Variants in TNKS observed in about 807,000 individuals in gnomAD.
TNKS encodes poly [ADP-ribose] polymerase tankyrase-1.
A neutral mutation model predicts 135.8 loss-of-function variants in TNKS; 72 were observed. The observed-to-expected ratio is 0.53, with a 90% CI of 0.44 to 0.64. TNKS has a LOEUF of 0.64. Ranked by LOEUF, TNKS falls within the 30% of genes least tolerant of loss-of-function variation. TNKS has a pLI of 0.00. For synonymous variants in TNKS, 849 were observed against 649.3 expected (o/e 1.31, Z -4.68); for missense variants, 1,769 against 1,674.0 (o/e 1.06, Z -0.99).
chr8:9,659,385 C>G (rs1801584964), intron 3 of TNKS, among the ~76,000 whole-genome samples: 1 of 152,198 alleles, frequency 6.6e-6, no homozygotes, highest in South Asian at 2.1e-4. Flanking sequence ...AACAAACTGT[C>G]TCTCAGACCA....
intron 1 of TNKS, among the ~76,000 whole-genome samples, chr8:9,577,919 C>T (rs747670853): frequency 1.3e-5 from 2 of 152,172 alleles, no homozygotes; most frequent in Non-Finnish European, 2.9e-5. Context: ...ATACAGTGGG[C>T]GTACAGGCAT....
At chr8:9,743,117 C>G (rs1211485373) in intron 17 of TNKS, among the ~76,000 whole-genome samples, 2 of 152,150 alleles carry the variant, frequency 1.3e-5, no homozygotes, top group Non-Finnish European at 2.9e-5. Context: ...CTTGAACTAG[C>G]CTGGCCACAT....
chr8:9,638,030 A>G (rs2128775128), intron 3 of TNKS, among the ~76,000 whole-genome samples: 1 of 152,298 alleles, frequency 6.6e-6, no homozygotes, highest in East Asian at 1.9e-4. Context: ...GTGTACCGGC[A>G]TGATCATAGC....
intron 2 of TNKS, among the ~76,000 whole-genome samples, chr8:9,603,971 G>T (rs556234860): frequency 1.3e-5 from 2 of 152,186 alleles, no homozygotes; most frequent in Admixed American, 6.5e-5. Context: ...AAAAAACAAA[G>T]ATGTTAATAA....
chr8:9,727,780 A>G (rs1439071744), intron 13 of TNKS, among the ~76,000 whole-genome samples: 1 of 152,158 alleles, frequency 6.6e-6, no homozygotes, highest in Non-Finnish European at 1.5e-5. Context: ...TAGAAATTTT[A>G]TTTTTGTTTT....
At chr8:9,624,360 A>C (rs1273345720) in intron 3 of TNKS, among the ~76,000 whole-genome samples, 4 of 152,256 alleles carry the variant, frequency 2.6e-5, no homozygotes, top group Admixed American at 1.3e-4. Context: ...GTAACATTAG[A>C]ATTCATTAAT....
At chr8:9,677,553 A>C (rs1316178375) in intron 3 of TNKS, among the ~76,000 whole-genome samples, 1 of 152,114 alleles carries the variant, frequency 6.6e-6, no homozygotes, top group African/African-American at 2.4e-5. Context: ...TCTATCAGGG[A>C]ATTTATACTT....
chr8:9,562,680 T>C (rs1467586236), intron 1 of TNKS, among the ~76,000 whole-genome samples: 2 of 152,196 alleles, frequency 1.3e-5, no homozygotes, highest in Non-Finnish European at 2.9e-5. Flanking sequence ...CTCAGAACTA[T>C]AGGGTTTTTA....
At chr8:9,767,913 C>T (rs558442918) in intron 25 of TNKS, among the ~76,000 whole-genome samples, 3 of 148,496 alleles carry the variant, frequency 2.0e-5, no homozygotes, top group African/African-American at 5.0e-5. Context: ...GAGCCGAGAT[C>T]GCGCCACTGC....
chr8:9,649,267 A>C (rs984352708), intron 3 of TNKS, among the ~76,000 whole-genome samples: 1 of 152,226 alleles, frequency 6.6e-6, no homozygotes, highest in Non-Finnish European at 1.5e-5. Flanking sequence ...TCAACCAATC[A>C]AATATGTAGC....
chr8:9,728,491 A>G (rs1028392390), intron 13 of TNKS, among the ~76,000 whole-genome samples: 1 of 152,150 alleles, frequency 6.6e-6, no homozygotes, highest in African/African-American at 2.4e-5. Flanking sequence ...TTCATTCCCT[A>G]CCTATTCCTA....
intron 3 of TNKS, among the ~76,000 whole-genome samples, chr8:9,632,120 C>G (rs1235583091): frequency 6.6e-6 from 1 of 152,144 alleles, no homozygotes; most frequent in Non-Finnish European, 1.5e-5. Context: ...TGCCAGACTT[C>G]ATGTATTAAA....
intron 3 of TNKS, among the ~76,000 whole-genome samples, chr8:9,648,991 G>A (rs1288730684): frequency 6.6e-5 from 10 of 151,852 alleles, no homozygotes; most frequent in Non-Finnish European, 7.4e-5. Flanking sequence ...GACTTAGAAA[G>A]TAGTGTCATA....
At position 9,733,390 on chromosome 8, in the gene TNKS, T is replaced by A. The variant is rs758940183; in HGVS notation, c.2259T>A (p.Pro753=). 1 of 1,613,346 alleles carries A rather than the reference T, an allele frequency of 6.2e-7. No individual in the cohort carries two copies. The highest frequency in any genetic ancestry group is 8.5e-7 in the Non-Finnish European group (1 of 1,179,710). Residue 753 remains proline (P), a synonymous_variant, in exon 15 of 27, where the codon CCT becomes CCA. Transcript: ENST00000310430. ...VNVADLWKFT[P]LHEAAAKGKY... is the part of the protein sequence containing the mutation. ...TGGCGGACTTATGGAAATTTACCCCTCTCCATGAAGCAGCAGCTAAAGGAA... is the reference window on the plus strand; with the variant it reads ...TGGCGGACTTATGGAAATTTACCCCACTCCATGAAGCAGCAGCTAAAGGAA...
In TNKS at chr8:9,773,625, C is replaced by A. The variant is rs2128843913; in HGVS notation, c.3898-3025C>A. 1.3e-5 allele frequency among the ~76,000 whole-genome samples: 2 copies of A among 152,046 alleles called. 1 individual carries two copies. Among genetic ancestry groups the A allele is most frequent in the East Asian group, 3.9e-4 (2 of 5,172 alleles). ...TTTAAGTTTACTTTTCTGAAATTTA[C>A]TAATTAACCATCTCCCAGGTAAAAT... On this transcript the variant is annotated intron_variant, in intron 26 of 26. Coordinates refer to ENST00000310430, the MANE Select transcript of TNKS (RefSeq NM_003747.3).
At chr8:9,752,669 T>A in intron 20 of TNKS, 43 bp downstream of exon 20, 1 of 1,354,782 alleles carries the variant, frequency 7.4e-7, no homozygotes, top group Non-Finnish European at 1.0e-6. Context: ...AATTAAATAC[T>A]AAGATTAGGC....
chr8:9,602,574 A>G (rs1338643479), intron 2 of TNKS, among the ~76,000 whole-genome samples: 1 of 152,222 alleles, frequency 6.6e-6, no homozygotes, highest in Non-Finnish European at 1.5e-5. Context: ...CGGAGTCTCC[A>G]GAGCACCTGG....
At chr8:9,692,533 T>C (rs1302976809) in intron 5 of TNKS, among the ~76,000 whole-genome samples, 1 of 152,198 alleles carries the variant, frequency 6.6e-6, no homozygotes, top group African/African-American at 2.4e-5. Context: ...TATCTGTCGT[T>C]AGATGCGTTT....
At chr8:9,608,277 A>C (rs547500404) in intron 2 of TNKS, among the ~76,000 whole-genome samples, 1 of 152,308 alleles carries the variant, frequency 6.6e-6, no homozygotes, top group African/African-American at 2.4e-5. Context: ...TTGCATCATC[A>C]GTGCAAATGT....
Sources: gnomAD v4.1 joint callset for allele counts (sites outside exome capture counted in the v4.1 genomes callset) on GRCh38, gnomAD v4.1.1 for gene constraint, MANE v1.5 for transcripts, NCBI Gene and HGNC (gene_info 2026-07-23, HGNC 2026-07-21) for gene names.